PTPRN2: variants seen among roughly 807,000 people sequenced by gnomAD.
PTPRN2 encodes the protein receptor-type tyrosine-protein phosphatase N2.
In PTPRN2, 74 loss-of-function variants were observed where a neutral mutation model predicts 118.8. That is an observed-to-expected ratio of 0.62 (90% confidence interval 0.52 to 0.76). The LOEUF is 0.76. Ranked by LOEUF, PTPRN2 falls within the 30% of genes least tolerant of loss-of-function variation. PTPRN2 has a pLI of 0.00. For missense variants in PTPRN2, 1,481 were observed against 1,394.4 expected (o/e 1.06, Z -0.99); for synonymous variants, 641 against 608.0 (o/e 1.05, Z -0.80).
chr7:158,548,972 C>T (rs906903155), intron 1 of PTPRN2, among the ~76,000 whole-genome samples: 11 of 152,218 alleles, frequency 7.2e-5, no homozygotes, highest in Non-Finnish European at 1.0e-4. Flanking sequence ...AGCCCAGGCA[C>T]GGCCAACGCC....
chr7:157,793,018 T>A (rs1021321298), intron 12 of PTPRN2, among the ~76,000 whole-genome samples: 6 of 152,178 alleles, frequency 3.9e-5, no homozygotes, highest in African/African-American at 1.4e-4. Flanking sequence ...ATAAATGAGA[T>A]AAATTTTCTA....
At chr7:158,219,992 A>G (rs1828234284) in intron 3 of PTPRN2, among the ~76,000 whole-genome samples, 1 of 152,082 alleles carries the variant, frequency 6.6e-6, no homozygotes, top group Admixed American at 6.6e-5. Flanking sequence ...ACTTCAAAAA[A>G]CCAAAAAGTA....
At position 157,794,276 on chromosome 7, in the gene PTPRN2, G is replaced by C. The variant is rs144028627; in HGVS notation, c.1788+104397C>G. Among the ~76,000 whole-genome samples, 3 of 150,810 alleles carry C rather than the reference G, an allele frequency of 2.0e-5. No individual in the cohort carries two copies. Among genetic ancestry groups the C allele is most frequent in the Admixed American group, 6.6e-5 (1 of 15,182 alleles). ...CACACCTCCCCTCGTTCTCTGCTCC[G>C]ACCCGGGCTCACACCTCCCCTCGTT... is the stretch of plus-strand genomic sequence containing the variant. On this transcript the variant is annotated intron_variant, in intron 12 of 22. Coordinates refer to ENST00000389418, the MANE Select transcript of PTPRN2 (RefSeq NM_002847.5). The surrounding 1 kb of genome is among the most constrained non-coding windows in gnomAD (Gnocchi z 5.2).
chr7:158,310,283 G>T (rs570525302), intron 3 of PTPRN2, among the ~76,000 whole-genome samples: 1 of 152,356 alleles, frequency 6.6e-6, no homozygotes, highest in African/African-American at 2.4e-5. Context: ...AAAAGTGCTT[G>T]TGTTGAGAGA....
At chr7:157,728,707 G>T (rs993931508) in intron 12 of PTPRN2, among the ~76,000 whole-genome samples, 1 of 152,094 alleles carries the variant, frequency 6.6e-6, no homozygotes, top group Non-Finnish European at 1.5e-5. Flanking sequence ...ATTATCAAAA[G>T]GTAAAATGTC....
chr7:158,467,740 A>G lies in PTPRN2; in HGVS notation c.163+21995T>C, dbSNP rs554422150. ...CTGCTTCACACCTAGTTGACCATAT[A>G]TGGTCAGGTTTATTTCTGGGCTCTT... On this transcript the variant is annotated intron_variant, in intron 2 of 22. Transcript: ENST00000389418. 3.9e-5 allele frequency among the ~76,000 whole-genome samples: 6 copies of G among 152,154 alleles called. No homozygotes were observed. In the East Asian group the frequency reaches 5.8e-4, roughly 15 times the overall value.
At chr7:157,630,519 C>T (rs529028247) in intron 14 of PTPRN2, among the ~76,000 whole-genome samples, 108 of 152,300 alleles carry the variant, frequency 7.1e-4, no homozygotes, top group African/African-American at 2.5e-3. Flanking sequence ...GTGCCCGTCA[C>T]GGCAGCACCT....
chr7:158,539,001 G>C (rs541764751), intron 1 of PTPRN2, among the ~76,000 whole-genome samples: 1 of 152,262 alleles, frequency 6.6e-6, no homozygotes, highest in Non-Finnish European at 1.5e-5. Flanking sequence ...AATCCAAAAT[G>C]GAGGGGTTTC....
At chr7:157,924,416 C>T (rs1479855508) in intron 11 of PTPRN2, among the ~76,000 whole-genome samples, 11 of 152,204 alleles carry the variant, frequency 7.2e-5, no homozygotes, top group African/African-American at 2.7e-4. Flanking sequence ...GTTGCCAGAG[C>T]TCAGCTGCTC....
intron 6 of PTPRN2, among the ~76,000 whole-genome samples, chr7:158,157,021 C>T (rs1455872891): frequency 6.6e-6 from 1 of 151,952 alleles, no homozygotes; most frequent in African/African-American, 2.4e-5. Flanking sequence ...TTCCATGTGG[C>T]TCTGAAAGGC....
At chr7:157,672,693 A>C (rs1796476918) in intron 13 of PTPRN2, among the ~76,000 whole-genome samples, 1 of 152,248 alleles carries the variant, frequency 6.6e-6, no homozygotes, top group Non-Finnish European at 1.5e-5. Context: ...CCAGTTATAC[A>C]TCAATGTGAG....
intron 11 of PTPRN2, among the ~76,000 whole-genome samples, chr7:157,988,094 G>C (rs1341979597): frequency 6.6e-6 from 1 of 152,172 alleles, no homozygotes. Context: ...TCATGCAGAC[G>C]GAGAGGAGAA....
intron 12 of PTPRN2, among the ~76,000 whole-genome samples, chr7:157,770,465 G>A (rs1156601619): frequency 6.6e-6 from 1 of 152,182 alleles, no homozygotes; most frequent in African/African-American, 2.4e-5. Flanking sequence ...CTGTTGTCAG[G>A]CCCTGTGCAC....
intron 2 of PTPRN2, among the ~76,000 whole-genome samples, chr7:158,367,044 A>G (rs540253941): frequency 6.6e-6 from 1 of 152,272 alleles, no homozygotes; most frequent in South Asian, 2.1e-4. Context: ...TGCATCAGAA[A>G]AGTCCTAGAT....
intron 15 of PTPRN2, among the ~76,000 whole-genome samples, chr7:157,606,101 G>T (rs1251466777): frequency 6.6e-6 from 1 of 152,264 alleles, no homozygotes; most frequent in Non-Finnish European, 1.5e-5. Flanking sequence ...TCCAGAGGGG[G>T]CTGAGGTGGC....
chr7:158,407,215 G>A (rs1813587046), intron 2 of PTPRN2, among the ~76,000 whole-genome samples: 1 of 47,572 alleles, frequency 2.1e-5, no homozygotes, highest in Non-Finnish European at 4.4e-5. Context: ...TGGGTCCTGC[G>A]TCCTGCGTCC....
chr7:158,183,842 C>G (rs1824920537), intron 5 of PTPRN2, among the ~76,000 whole-genome samples: 1 of 152,124 alleles, frequency 6.6e-6, no homozygotes, highest in Non-Finnish European at 1.5e-5. Context: ...GTTTTCCTGT[C>G]AAGTTCTGGT....
At chr7:157,624,968 C>T (rs984595053) in intron 14 of PTPRN2, among the ~76,000 whole-genome samples, 18 of 151,590 alleles carry the variant, frequency 1.2e-4, no homozygotes, top group African/African-American at 4.2e-4. Flanking sequence ...GACCAACAGA[C>T]ATATGAAAAA....
intron 3 of PTPRN2, among the ~76,000 whole-genome samples, chr7:158,238,106 C>T (rs1795651557): frequency 6.6e-6 from 1 of 152,178 alleles, no homozygotes. Flanking sequence ...CCGCCCCGTC[C>T]TGCCTCTCGG....
Sources: gnomAD v4.1 joint callset for allele counts (sites outside exome capture counted in the v4.1 genomes callset) on GRCh38, gnomAD v4.1.1 for gene constraint, Gnocchi (gnomAD v3.1) non-coding constraint, MANE v1.5 for transcripts, NCBI Gene and HGNC (gene_info 2026-07-23, HGNC 2026-07-21) for gene names.